Variants in RAVER2 observed in about 807,000 individuals in gnomAD.
The protein encoded by RAVER2 is ribonucleoprotein, PTB binding 2, also known as ribonucleoprotein PTB-binding 2.
Under a neutral mutation model 78.1 loss-of-function variants are expected in RAVER2, and 46 were observed. The ratio of observed to expected loss-of-function variants is 0.59; its 90% CI spans 0.46 to 0.75. The LOEUF (loss-of-function observed/expected upper bound fraction) is 0.75. RAVER2 is among the 30% of genes least tolerant of loss of function. The probability of loss-of-function intolerance (pLI) is 0.00; values close to 1 mark genes in which losing one functional copy is unlikely to be tolerated. For synonymous variants in RAVER2, 311 were observed against 313.3 expected (o/e 0.99, Z 0.08); for missense variants, 793 against 837.5 (o/e 0.95, Z 0.66).
intron 1 of RAVER2, among the ~76,000 whole-genome samples, chr1:64,763,951 CACA>C (rs1652100234): frequency 6.6e-6 from 1 of 151,194 alleles, no homozygotes; most frequent in Admixed American, 6.6e-5. Flanking sequence ...CACACACACA[CACA>C]CCCCTACCAT....
intron 4 of RAVER2, among the ~76,000 whole-genome samples, chr1:64,786,941 A>G (rs1652798006): frequency 6.6e-6 from 1 of 152,220 alleles, no homozygotes; most frequent in Non-Finnish European, 1.5e-5. Flanking sequence ...TACTAAGCTT[A>G]TAGAATTGGT....
chr1:64,765,370 A>T (rs1570535955), intron 1 of RAVER2, among the ~76,000 whole-genome samples: 1 of 152,258 alleles, frequency 6.6e-6, no homozygotes, highest in East Asian at 1.9e-4. Context: ...ATAATCAGTC[A>T]TAGTAAAATG....
At chr1:64,768,830 T>C (rs1168263682) in intron 2 of RAVER2, 108 bp downstream of exon 2, 5 of 714,482 alleles carry the variant, frequency 7.0e-6, no homozygotes, top group Non-Finnish European at 9.5e-6. Flanking sequence ...ATGGAATTTT[T>C]AAGCCTTAAA....
chr1:64,823,947 C>G (rs1205948665), intron 11 of RAVER2, among the ~76,000 whole-genome samples: 2 of 151,884 alleles, frequency 1.3e-5, no homozygotes, highest in Non-Finnish European at 2.9e-5. Flanking sequence ...GCTCGAATTA[C>G]AAGCACCCAC....
At chr1:64,796,992 G>C (rs1378011967) in intron 5 of RAVER2, among the ~76,000 whole-genome samples, 1 of 151,958 alleles carries the variant, frequency 6.6e-6, no homozygotes, top group Non-Finnish European at 1.5e-5. Context: ...TTGGTTATTT[G>C]TGTCACTTAA....
intron 1 of RAVER2, among the ~76,000 whole-genome samples, chr1:64,747,654 A>G (rs1557578355): frequency 6.6e-6 from 1 of 152,022 alleles, no homozygotes; most frequent in South Asian, 2.1e-4. Context: ...CTGGGATTAC[A>G]TAAGCCTGCC....
At chr1:64,806,281 C>T (rs1370090114) in intron 8 of RAVER2, among the ~76,000 whole-genome samples, 1 of 152,156 alleles carries the variant, frequency 6.6e-6, no homozygotes, top group Non-Finnish European at 1.5e-5. Context: ...CATGCTGGCA[C>T]ACGCCTGTGG....
chr1:64,786,202 G>A (rs74080711), intron 4 of RAVER2, among the ~76,000 whole-genome samples: 260 of 152,196 alleles, frequency 1.7e-3, no homozygotes, highest in African/African-American at 6.1e-3. Context: ...GTTTTTAGAA[G>A]GTTTTTTGTT....
rs1651726410 is a variant in RAVER2 at position 64,752,457 on chromosome 1, T to C, written c.249+7036T>C. 2.6e-5 allele frequency among the ~76,000 whole-genome samples: 4 copies of C among 152,318 alleles called. No individual in the cohort carries two copies. In the South Asian group the frequency reaches 8.3e-4, roughly 32 times the overall value. ...TAGGATTTCTTCAAATCTTTGTAGA[T>C]AGTCTCTTTTAAAAGTTCTCCCCAG... On this transcript the variant is annotated intron_variant, in intron 1 of 11. Coordinates refer to ENST00000294428, the Ensembl canonical transcript of RAVER2.
intron 2 of RAVER2, among the ~76,000 whole-genome samples, chr1:64,777,243 A>T (rs1311057411): frequency 6.6e-6 from 1 of 152,128 alleles, no homozygotes. Flanking sequence ...GTTAAGTTTT[A>T]TATAAAGTCT....
At chr1:64,794,391 C>T (rs954048608) in intron 5 of RAVER2, among the ~76,000 whole-genome samples, 2 of 143,114 alleles carry the variant, frequency 1.4e-5, no homozygotes, top group Non-Finnish European at 3.0e-5. Context: ...AATGGGGACT[C>T]CGTCTCAAAA....
chr1:64,778,360 T>G (rs1652532044), intron 3 of RAVER2, among the ~76,000 whole-genome samples: 1 of 152,144 alleles, frequency 6.6e-6, no homozygotes, highest in South Asian at 2.1e-4. Context: ...GTCCCACCAT[T>G]TTTCCATCAA....
At chr1:64,765,219 A>C (rs1213570246) in intron 1 of RAVER2, among the ~76,000 whole-genome samples, 1 of 152,236 alleles carries the variant, frequency 6.6e-6, no homozygotes, top group East Asian at 1.9e-4. Context: ...AAAGTTGATC[A>C]TATGCATACG....
At chr1:64,749,206 TTTTG>T (rs553200700) in intron 1 of RAVER2, among the ~76,000 whole-genome samples, 70 of 151,834 alleles carry the variant, frequency 4.6e-4, no homozygotes, top group African/African-American at 5.1e-4. Context: ...GCATTGGATT[TTTTG>T]TTTGTTTGTT....
chr1:64,765,172 G>C (rs1254973134), intron 1 of RAVER2, among the ~76,000 whole-genome samples: 2 of 152,140 alleles, frequency 1.3e-5, no homozygotes, highest in African/African-American at 4.8e-5. Flanking sequence ...CTGTACACTG[G>C]TACATCATTC....
chr1:64,772,629 A>G (rs114945519), intron 2 of RAVER2, among the ~76,000 whole-genome samples: 3,174 of 152,294 alleles, frequency 0.021, 119 homozygotes, highest in African/African-American at 0.073. Context: ...CCTGGAGATC[A>G]TGATGGAGTA....
At chr1:64,798,686 C>A (rs1331425212) in intron 5 of RAVER2, among the ~76,000 whole-genome samples, 1 of 152,002 alleles carries the variant, frequency 6.6e-6, no homozygotes, top group African/African-American at 2.4e-5. Context: ...CCCAGGTGGT[C>A]ATTAATTTAA....
intron 2 of RAVER2, among the ~76,000 whole-genome samples, chr1:64,777,165 G>A (rs1652487356): frequency 6.6e-6 from 1 of 152,066 alleles, no homozygotes; most frequent in Non-Finnish European, 1.5e-5. Context: ...GGTCCTTGCT[G>A]TCAAATAGGC....
At chr1:64,775,548 C>T (rs1301431654) in intron 2 of RAVER2, among the ~76,000 whole-genome samples, 5 of 152,082 alleles carry the variant, frequency 3.3e-5, no homozygotes, top group African/African-American at 9.7e-5. Flanking sequence ...AGATATTCAG[C>T]GGCCACACAT....
Sources: allele counts gnomAD v4.1 joint callset (sites outside exome capture counted in the v4.1 genomes callset), GRCh38; gene constraint gnomAD v4.1.1; transcripts MANE v1.5; gene names NCBI Gene and HGNC (gene_info 2026-07-23, HGNC 2026-07-21).